Variants in PGM5 observed in about 807,000 individuals in gnomAD.
PGM5 encodes the protein phosphoglucomutase-like protein 5.
A neutral mutation model predicts 59.2 loss-of-function variants in PGM5; 23 were observed. That is an observed-to-expected ratio of 0.39 (90% CI 0.28 to 0.55). The LOEUF (loss-of-function observed/expected upper bound fraction) is 0.55. Among genes scored for constraint, PGM5 ranks in the 20% least tolerant of loss-of-function variants. The pLI, the probability that PGM5 is intolerant of heterozygous loss-of-function variation, is 0.66. For missense variants in PGM5, 574 were observed against 748.3 expected (o/e 0.77, Z 2.72); for synonymous variants, 214 against 286.0 (o/e 0.75, Z 2.54).
chr9:68,376,475 CTGTGTG>C (rs71353047), intron 1 of PGM5, among the ~76,000 whole-genome samples: 3,614 of 129,624 alleles, frequency 0.028, 72 homozygotes, highest in African/African-American at 0.058. Flanking sequence ...TGCTTTTGAG[CTGTGTG>C]TGTGTGTGTG....
chr9:68,373,063 T>C (rs1432843958), intron 1 of PGM5, among the ~76,000 whole-genome samples: 2 of 150,656 alleles, frequency 1.3e-5, no homozygotes, highest in South Asian at 2.1e-4. Flanking sequence ...CATGAGCCCA[T>C]TGGACAATGA....
intron 1 of PGM5, among the ~76,000 whole-genome samples, chr9:68,369,250 A>G (rs1403154185): frequency 6.6e-6 from 1 of 152,206 alleles, no homozygotes; most frequent in African/African-American, 2.4e-5. Context: ...AAATCGAGAT[A>G]CATAGGGATT....
intron 3 of PGM5, among the ~76,000 whole-genome samples, chr9:68,385,420 A>G (rs3874002): frequency 0.28 from 41,309 of 148,576 alleles, 1,563 homozygotes; most frequent in Admixed American, 0.31. Context: ...TCCATGTGAT[A>G]TTTTAGGGAT....
chr9:68,466,579 T>C (rs563357362), intron 7 of PGM5: 5 of 154,448 alleles, frequency 3.2e-5, no homozygotes. Flanking sequence ...ATTGTATTTA[T>C]GCCTAGAAAT....
chr9:68,387,535 G>A lies in PGM5; in HGVS notation c.644G>A (p.Gly215Asp). Residue 215 changes from glycine (G) to aspartate (D), a missense_variant, in exon 4 of 11, where the codon GGT (glycine) becomes GAT (aspartate). This residue lies in a region of PGM5 where 103 missense variants were observed against 112.4 expected (regional missense o/e 0.92). Transcript: ENST00000396396. ...ATCTTTGACTTTCATGCCATCAAGGGTTTGCTGACTGGACCCAGCCAACTG... is the reference window on the plus strand; with the variant it reads ...ATCTTTGACTTTCATGCCATCAAGGATTTGCTGACTGGACCCAGCCAACTG... ...RTIFDFHAIK[G>D]LLTGPSQLKI... 6.2e-7 allele frequency: 1 copy of A among 1,612,146 alleles called. No homozygotes were observed. The highest frequency in any genetic ancestry group is 1.3e-5 in the African/African-American group (1 of 74,878).
chr9:68,451,849 G>A (rs949526172), intron 6 of PGM5, among the ~76,000 whole-genome samples: 6 of 152,154 alleles, frequency 3.9e-5, no homozygotes, highest in Non-Finnish European at 7.4e-5. Context: ...CACTGTGTAA[G>A]GGCACCACAT....
At chr9:68,396,427 G>T (rs1822504659) in intron 6 of PGM5, 1 of 152,188 alleles carries the variant, frequency 6.6e-6, no homozygotes, top group Non-Finnish European at 1.5e-5. Context: ...ATGGCTAGGG[G>T]AGGCTGGTTT....
intron 2 of PGM5, among the ~76,000 whole-genome samples, chr9:68,380,565 G>A (rs1318615055): frequency 6.6e-6 from 1 of 151,668 alleles, no homozygotes; most frequent in Non-Finnish European, 1.5e-5. Context: ...TAAACCCAAA[G>A]TGAGCAAAAG....
intron 10 of PGM5, among the ~76,000 whole-genome samples, chr9:68,518,318 A>G (rs955997830): frequency 9.2e-5 from 14 of 152,244 alleles, no homozygotes; most frequent in African/African-American, 3.4e-4. Context: ...ACAATATTCT[A>G]GGTCTCCAGT....
intron 6 of PGM5, among the ~76,000 whole-genome samples, chr9:68,416,077 A>G (rs1823026130): frequency 6.6e-6 from 1 of 152,184 alleles, no homozygotes; most frequent in Admixed American, 6.5e-5. Flanking sequence ...ATCAGATCTG[A>G]GATAAATTAA....
intron 6 of PGM5, among the ~76,000 whole-genome samples, chr9:68,449,280 G>C (rs1359852847): frequency 2.6e-5 from 4 of 152,156 alleles, no homozygotes; most frequent in Admixed American, 2.6e-4. Context: ...CTATAGCCCT[G>C]GGGCTCTAGC....
intron 6 of PGM5, among the ~76,000 whole-genome samples, chr9:68,442,218 A>T (rs1453959175): frequency 6.6e-6 from 1 of 152,254 alleles, no homozygotes; most frequent in Non-Finnish European, 1.5e-5. Context: ...TTTATATTGA[A>T]AGGCAAAGGA....
At chr9:68,513,496 T>G (rs1446785839) in intron 10 of PGM5, among the ~76,000 whole-genome samples, 1 of 152,210 alleles carries the variant, frequency 6.6e-6, no homozygotes, top group Non-Finnish European at 1.5e-5. Context: ...ATATGAGCCC[T>G]GGTGAATTCT....
At chr9:68,449,134 A>C (rs1236434098) in intron 6 of PGM5, among the ~76,000 whole-genome samples, 1 of 152,182 alleles carries the variant, frequency 6.6e-6, no homozygotes, top group Non-Finnish European at 1.5e-5. Context: ...TGGAGTCTCT[A>C]ATGTAAGGGC....
At chr9:68,494,802 G>A (rs1824456082) in intron 9 of PGM5, among the ~76,000 whole-genome samples, 1 of 152,180 alleles carries the variant, frequency 6.6e-6, no homozygotes, top group Admixed American at 6.5e-5. Context: ...GCTATGCCAG[G>A]CACTTTCTTA....
chr9:68,462,227 A>G (rs1275431140), intron 6 of PGM5, among the ~76,000 whole-genome samples: 1 of 152,026 alleles, frequency 6.6e-6, no homozygotes, highest in African/African-American at 2.4e-5. Flanking sequence ...CCCCGACACA[A>G]TGGCAAGCAG....
chr9:68,516,991 C>T (rs1824834115), intron 10 of PGM5, among the ~76,000 whole-genome samples: 1 of 151,902 alleles, frequency 6.6e-6, no homozygotes, highest in South Asian at 2.1e-4. Flanking sequence ...CCTGCCTCAG[C>T]TTCCTGAGAA....
intron 6 of PGM5, among the ~76,000 whole-genome samples, chr9:68,418,881 G>C (rs1322991369): frequency 6.6e-6 from 1 of 152,136 alleles, no homozygotes; most frequent in Non-Finnish European, 1.5e-5. Flanking sequence ...GGAGGTGTTG[G>C]GAGATGAAGT....
intron 6 of PGM5, among the ~76,000 whole-genome samples, chr9:68,416,910 T>G (rs1300096966): frequency 1.3e-5 from 2 of 152,224 alleles, no homozygotes; most frequent in African/African-American, 4.8e-5. Context: ...TAATAAAATA[T>G]ACATCTGCTA....
Sources: gnomAD v4.1 joint callset for allele counts (sites outside exome capture counted in the v4.1 genomes callset) on GRCh38, gnomAD v4.1.1 for gene constraint, gnomAD v4.1.1 regional missense constraint, MANE v1.5 for transcripts, NCBI Gene and HGNC (gene_info 2026-07-23, HGNC 2026-07-21) for gene names.